The following ZNF350 variants were observed in gnomAD, a reference collection of about 807,000 sequenced individuals.
ZNF350 encodes zinc finger protein 350.
In ZNF350, 5 loss-of-function variants were observed where a neutral mutation model predicts 13.1. The ratio of observed to expected loss-of-function variants is 0.38; its 90% confidence interval spans 0.20 to 0.80. The LOEUF is 0.80. Ranked by LOEUF, ZNF350 falls within the 30% of genes least tolerant of loss-of-function variation. The pLI, the probability that ZNF350 is intolerant of heterozygous loss-of-function variation, is 0.43. For synonymous variants in ZNF350, 199 were observed against 224.2 expected, an observed-to-expected ratio of 0.89 and a Z score of 1.00; for missense variants, 534 against 644.2, an observed-to-expected ratio of 0.83 and a Z score of 1.85.
chr19:51,968,150 T>A (rs7250159), intron 4 of ZNF350, among the ~76,000 whole-genome samples: 58,657 of 151,862 alleles, frequency 0.39, 13,350 homozygotes, highest in African/African-American at 0.63. Flanking sequence ...GCCACATCCA[T>A]CACAGGGGAG....
At chr19:51,978,141 C>T (rs901465618) in intron 1 of ZNF350, among the ~76,000 whole-genome samples, 1 of 152,178 alleles carries the variant, frequency 6.6e-6, no homozygotes, top group Non-Finnish European at 1.5e-5. Context: ...GGCCTGCACC[C>T]GGGCCCCTCA....
chr19:51,965,127 G>A lies in ZNF350; in HGVS notation c.1326C>T (p.His442=), dbSNP rs1392625811. Residue 442 remains histidine, a synonymous_variant, in exon 5 of 5, where the codon CAC becomes CAT. Transcript: ENST00000243644. Reference sequence around the variant, plus strand: ...TGACATCACTGGTGTGTAATGAGCTGTGCCTCTCTGCAGGAGGATTTTCCA... The same window carrying A: ...TGACATCACTGGTGTGTAATGAGCTATGCCTCTCTGCAGGAGGATTTTCCA... ...AKVENPPAER[H]SSLHTSDVMQ... is the part of the protein sequence containing the mutation. The A allele has an allele frequency of 6.2e-7, 1 of 1,614,054 alleles. No individual in the cohort carries two copies. The highest frequency in any genetic ancestry group is 1.3e-5 in the African/African-American group (1 of 74,922).
chr19:51,982,924 A>G (rs2086078776), intron 1 of ZNF350, among the ~76,000 whole-genome samples: 1 of 152,206 alleles, frequency 6.6e-6, no homozygotes, highest in Non-Finnish European at 1.5e-5. Context: ...GCCGTGGCTC[A>G]CGCCTGTAAT....
At chr19:51,972,595 T>C (rs895826721) in intron 2 of ZNF350, among the ~76,000 whole-genome samples, 1 of 152,158 alleles carries the variant, frequency 6.6e-6, no homozygotes. Flanking sequence ...TCAAGTTGGC[T>C]GCTATGTTCT....
At chr19:51,977,844 C>T (rs886764810) in intron 1 of ZNF350, among the ~76,000 whole-genome samples, 20 of 152,190 alleles carry the variant, frequency 1.3e-4, no homozygotes, top group African/African-American at 3.9e-4. Context: ...TGAGATTCAT[C>T]GATCTGCAAA....
rs929133445 is a variant in ZNF350 at position 51,976,024 on chromosome 19, A to G, written c.-171-1493T>C. Among the ~76,000 whole-genome samples, 5 of 152,228 alleles carry G rather than the reference A, an allele frequency of 3.3e-5. No individual in the cohort carries two copies. Among genetic ancestry groups the G allele is most frequent in the East Asian group, 1.9e-4 (1 of 5,204 alleles). On this transcript the variant is annotated intron_variant, in intron 1 of 4. Coordinates refer to ENST00000243644, the MANE Select transcript of ZNF350 (RefSeq NM_021632.4). The surrounding 1 kb of genome is among the most constrained non-coding windows in gnomAD (Gnocchi z 4.5). ...GGCTGATGAAGGTTTGCTGGAGGCA[A>G]TCACTCCCTGGCGCCGTTATCTACT... is the stretch of plus-strand genomic sequence containing the variant.
chr19:51,979,963 A>G (rs1366919952), intron 1 of ZNF350, among the ~76,000 whole-genome samples: 5 of 152,210 alleles, frequency 3.3e-5, no homozygotes, highest in Non-Finnish European at 5.9e-5. Flanking sequence ...AATTCAAGAA[A>G]CTATATGGAA....
At chr19:51,966,504 G>A (rs571960425) in intron 4 of ZNF350, among the ~76,000 whole-genome samples, 18 of 151,334 alleles carry the variant, frequency 1.2e-4, no homozygotes, top group African/African-American at 1.7e-4. Context: ...GGCTGGTCTC[G>A]AACTCCTGAC....
chr19:51,974,375 GGAA>G lies in ZNF350; in HGVS notation c.-18_-16del. The G allele has an allele frequency of 5.6e-6, 9 of 1,613,626 alleles. No individual in the cohort carries two copies. The South Asian group carries it at 9.9e-5, about 18-fold the overall frequency. The stretch of plus-strand genomic sequence containing the variant: ...GCCTGGATCATTTTCTTCTGTTCTT[GGAA>G]GACAGCATTCAACTGGGATGGTCTG... On this transcript the variant is annotated 5_prime_UTR_variant, in exon 2 of 5. Transcript: ENST00000243644.
In ZNF350 at chr19:51,969,034, A is replaced by C; in HGVS notation, c.113T>G (p.Leu38Trp). The change falls in exon 3 of 5, where the codon TTG becomes TGG. Residue 38 changes from leucine to tryptophan, a missense_variant. Transcript: ENST00000243644. The stretch of plus-strand genomic sequence containing the variant: ...TGCCACCAGGTTGCTGTAGTTCTCC[A>C]ACATCACATCCCGGTACAGGTCCTT... ...AQKDLYRDVM[L>W]ENYSNLVAVG... is the part of the protein sequence containing the mutation. 1 of 1,614,144 alleles carries C rather than the reference A, an allele frequency of 6.2e-7. No individual in the cohort carries two copies. The highest frequency in any genetic ancestry group is 2.2e-5 in the East Asian group (1 of 44,872).
In ZNF350 at chr19:51,969,125, T is replaced by C. The variant is rs201484259; in HGVS notation, c.22A>G (p.Ile8Val). The change falls in exon 3 of 5, where the codon ATA (isoleucine) becomes GTA (valine). Residue 8 changes from isoleucine (I) to valine (V), a missense_variant. Ile to Val is a conservative substitution (Grantham distance 29, BLOSUM62 3). Transcript: ENST00000243644. MIQAQES[I>V]TLEDVAVDFT... ...TCCACAGCCACATCCTCCAGTGTTA[T>C]GGATTCCTGTAATAACAGTCCTGTT... The C allele has an allele frequency of 4.0e-5, 64 of 1,613,944 alleles. 1 individual carries two copies. In the Admixed American group the frequency reaches 7.8e-4, roughly 20 times the overall value.
intron 3 of ZNF350, 89 bp downstream of exon 3, chr19:51,968,916 T>C: frequency 6.2e-7 from 1 of 1,611,958 alleles, no homozygotes; most frequent in Non-Finnish European, 8.5e-7. Context: ...CACTTCAGAG[T>C]ACTGCAGGCA....
In ZNF350 at chr19:51,985,318, G is replaced by A. The variant is rs1044220753; in HGVS notation, c.-172+1452C>T. Among the ~76,000 whole-genome samples the A allele has an allele frequency of 3.9e-5, 6 of 152,160 alleles. No homozygotes were observed. In the East Asian group the frequency reaches 7.7e-4, roughly 20 times the overall value. Reference sequence around the variant, plus strand: ...ACACCCTATTTTCCTACTTTATACTGGAAAGTTGAGCCAATGCATTAAGAT... The same window carrying A: ...ACACCCTATTTTCCTACTTTATACTAGAAAGTTGAGCCAATGCATTAAGAT... On this transcript the variant is annotated intron_variant, in intron 1 of 4. Transcript: ENST00000243644.
At chr19:51,972,568 G>A (rs2085771142) in intron 2 of ZNF350, among the ~76,000 whole-genome samples, 1 of 151,862 alleles carries the variant, frequency 6.6e-6, no homozygotes. Context: ...AGCATCTTCG[G>A]CCAATGAAGA....
rs2122862168 is a variant in ZNF350, at chr19:51,965,589, T to C, written c.864A>G (p.Lys288=). The C allele has an allele frequency of 3.1e-6, 5 of 1,614,200 alleles. No homozygotes were observed. Among genetic ancestry groups the C allele is most frequent in the South Asian group, 1.1e-5 (1 of 91,084 alleles). The change falls in exon 5 of 5, where the codon AAA becomes AAG. Residue 288 remains lysine, a synonymous_variant. Transcript: ENST00000243644. ...TTCCACATTCACTGCATATATAGGG[T>C]TTCTCTCCGGTATGTGTTTTCTGAT... is the stretch of plus-strand genomic sequence containing the variant. ...NIHQKTHTGE[K]PYICSECGKG...
chr19:51,965,334 G>C lies in ZNF350; in HGVS notation c.1119C>G (p.Pro373=), dbSNP rs3764538. The C allele has an allele frequency of 1.2e-6, 2 of 1,613,886 alleles. No homozygotes were observed. The highest frequency in any genetic ancestry group is 1.7e-6 in the Non-Finnish European group (2 of 1,179,916). The part of the protein sequence containing the change: ...KHQRIHTGEK[P]FECSECGKAF... ...CTTTCCCACATTCACTACATTCAAA[G>C]GGTTTCTCTCCTGTGTGAATTCTTT... Residue 373 remains proline (P), a synonymous_variant, in exon 5 of 5, where the codon CCC becomes CCG. Transcript: ENST00000243644.
In ZNF350 at chr19:51,965,625, C is replaced by G; in HGVS notation, c.828G>C (p.Arg276=). ...TATGTGTTTTCTGATGTATGTTGAG[C>G]CGTGATTTCTTGAGAAAGGCTTTGC... The part of the protein sequence containing the change: ...ECGKAFLKKS[R]LNIHQKTHTG... Residue 276 remains arginine, a synonymous_variant, in exon 5 of 5, where the codon CGG becomes CGC. Coordinates refer to ENST00000243644, the MANE Select transcript of ZNF350 (RefSeq NM_021632.4). 1 of 1,614,120 alleles carries G rather than the reference C, an allele frequency of 6.2e-7. No homozygotes were observed.
chr19:51,965,769 A>G lies in ZNF350; in HGVS notation c.684T>C (p.His228=). The G allele has an allele frequency of 6.2e-7, 1 of 1,613,848 alleles. No homozygotes were observed. The highest frequency in any genetic ancestry group is 8.5e-7 in the Non-Finnish European group (1 of 1,179,854). The change falls in exon 5 of 5, where the codon CAT becomes CAC. Residue 228 remains histidine (H), a synonymous_variant. Coordinates refer to ENST00000243644, the MANE Select transcript of ZNF350 (RefSeq NM_021632.4). ...KSWLTDHQVM[H]TGEKPHRCSL... ...TACATCTGTGGGGTTTCTCTCCTGT[A>G]TGCATTACCTGGTGATCAGTTAGCC...
rs77176268 is a variant in ZNF350, at chr19:51,974,667, G to A, written c.-171-136C>T. The A allele has an allele frequency of 6.4e-3, 1,601 of 248,878 alleles. 15 individuals carry two copies. The highest frequency in any genetic ancestry group is 0.026 in the African/African-American group (1,180 of 45,102). 15.4% of individuals were successfully genotyped at this position (248,878 alleles called of 1,614,324 possible). A position where few individuals can be genotyped will look rare whatever the true frequency, so the allele number is the denominator to read the frequency against. ...ATATACCTTTGTTTGGAGCCCCAGC[G>A]GATTTTATACCTGTGGCCAATAATG... On this transcript the variant is annotated intron_variant, in intron 1 of 4. Coordinates refer to ENST00000243644, the MANE Select transcript of ZNF350 (RefSeq NM_021632.4).
Sources: allele counts gnomAD v4.1 joint callset (sites outside exome capture counted in the v4.1 genomes callset), GRCh38; gene constraint gnomAD v4.1.1; non-coding constraint Gnocchi (gnomAD v3.1); transcripts MANE v1.5; gene names NCBI Gene and HGNC (gene_info 2026-07-23, HGNC 2026-07-21).